The following DGCR8 variants were observed in gnomAD, a reference collection of about 807,000 sequenced individuals.
DGCR8 encodes microprocessor complex subunit DGCR8.
DGCR8 carries 14 observed loss-of-function variants against 78.5 expected under a neutral mutation model. That is an observed-to-expected ratio of 0.18 (90% CI 0.12 to 0.28). DGCR8 has a LOEUF of 0.28. DGCR8 is among the 10% of genes least tolerant of loss of function. The pLI, the probability that DGCR8 is intolerant of heterozygous loss-of-function variation, is 1.00. For synonymous variants in DGCR8, 399 were observed against 402.4 expected (o/e 0.99, Z 0.10); for missense variants, 702 against 1,022.5 (o/e 0.69, Z 4.28).
Position 20,086,711 on chromosome 22 carries a change from G to T in DGCR8, c.720+28G>T, listed in dbSNP as rs764011063. 1.4e-5 allele frequency: 21 copies of T among 1,555,178 alleles called. No homozygotes were observed. The African/African-American group carries it at 2.7e-4, about 20-fold the overall frequency. ...ATGTTGGCAGCCCCTCCTCTAGAGG[G>T]CTCTTAGCAAAACCCAAAGAGAGAT... On this transcript the variant is annotated intron_variant, in intron 2 of 13. Transcript: ENST00000351989. The surrounding 1 kb of genome is among the most constrained non-coding windows in gnomAD (Gnocchi z 6.4).
chr22:20,099,787 G>A, intron 9 of DGCR8, among the ~76,000 whole-genome samples: 1 of 152,148 alleles, frequency 6.6e-6, no homozygotes, highest in Non-Finnish European at 1.5e-5. Context: ...TCTCATCTTT[G>A]TGGACTGGTG....
intron 9 of DGCR8, among the ~76,000 whole-genome samples, chr22:20,104,369 T>G (rs988565599): frequency 1.3e-5 from 2 of 152,046 alleles, no homozygotes; most frequent in South Asian, 2.1e-4. Context: ...GGGTTTCACC[T>G]TGTTAGCCAG....
At chr22:20,092,734 C>T (rs1044283691) in intron 7 of DGCR8, 75 bp from the exon 8 acceptor site, 8 of 1,299,774 alleles carry the variant, frequency 6.2e-6, no homozygotes, top group African/African-American at 2.9e-5. Context: ...CCTTGTCTGT[C>T]GGTGTGGGCA....
chr22:20,090,317 C>G, intron 5 of DGCR8, 59 bp downstream of exon 5: 1 of 1,516,280 alleles, frequency 6.6e-7, no homozygotes, highest in Non-Finnish European at 8.8e-7. Context: ...CTTTGTTTTT[C>G]TAATGAAGGC....
At chr22:20,093,053 T>G in intron 8 of DGCR8, 146 bp downstream of exon 8, 2 of 603,296 alleles carry the variant, frequency 3.3e-6, no homozygotes, top group Middle Eastern at 4.4e-4. Flanking sequence ...CTACTTTGAT[T>G]TTTAAAATTA....
chr22:20,086,541 G>C lies in DGCR8; in HGVS notation c.578G>C (p.Arg193Thr), dbSNP rs1240134776. ...GAGAATGAGCTGGATCAGGAAAAGAGAGTGGAGTATGCAGTGCTCGATGAG... is the reference window on the plus strand; with the variant it reads ...GAGAATGAGCTGGATCAGGAAAAGACAGTGGAGTATGCAGTGCTCGATGAG... ...DEENELDQEK[R>T]VEYAVLDELE... Residue 193 changes from arginine to threonine, a missense_variant, in exon 2 of 14, where the codon AGA becomes ACA. By Grantham distance (71) the Arg-to-Thr change is moderately conservative. Around this residue, in one of 4 missense-constraint regions of DGCR8, gnomAD observed 356 missense variants for 448.9 expected, o/e 0.79. Transcript: ENST00000351989. The surrounding 1 kb of genome is among the most constrained non-coding windows in gnomAD (Gnocchi z 6.4). 1 of 1,614,064 alleles carries C rather than the reference G, an allele frequency of 6.2e-7. No individual in the cohort carries two copies. Among genetic ancestry groups the C allele is most frequent in the South Asian group, 1.1e-5 (1 of 91,076 alleles).
At position 20,086,887 on chromosome 22, in the gene DGCR8, C is replaced by T. The variant is rs1397816366; in HGVS notation, c.720+204C>T. Reference sequence around the variant, plus strand: ...AAAGTTTCCTAATGAAAAGTTTGGCCCATGGGTAGGCCCTGCATCCCTGAT... The same window carrying T: ...AAAGTTTCCTAATGAAAAGTTTGGCTCATGGGTAGGCCCTGCATCCCTGAT... On this transcript the variant is annotated intron_variant, in intron 2 of 13. Coordinates refer to ENST00000351989, the MANE Select transcript of DGCR8 (RefSeq NM_022720.7). This position sits in a 1 kb window ranked among gnomAD's most constrained non-coding sequence, Gnocchi z 6.4. 10 of 792,006 alleles carry T rather than the reference C, an allele frequency of 1.3e-5. No homozygotes were observed. The highest frequency in any genetic ancestry group is 3.2e-5 in the Admixed American group (1 of 31,462). 49.1% of individuals were successfully genotyped at this position (792,006 alleles called of 1,614,324 possible). A position where few individuals can be genotyped will look rare whatever the true frequency, so the allele number is the denominator to read the frequency against.
At chr22:20,105,888 G>A (rs761096210) in intron 9 of DGCR8, among the ~76,000 whole-genome samples, 5 of 152,208 alleles carry the variant, frequency 3.3e-5, no homozygotes, top group Non-Finnish European at 7.3e-5. Flanking sequence ...ATCCAAATAA[G>A]GTGGGCCTGG....
At chr22:20,092,475 C>G (rs970252329) in intron 7 of DGCR8, among the ~76,000 whole-genome samples, 3 of 152,200 alleles carry the variant, frequency 2.0e-5, no homozygotes, top group African/African-American at 7.2e-5. Flanking sequence ...CAAGCCACAT[C>G]TTGTGCTTTC....
At chr22:20,091,839 C>T (rs1180829196) in intron 6 of DGCR8, 30 bp from the exon 7 acceptor site, 1 of 1,604,442 alleles carries the variant, frequency 6.2e-7, no homozygotes. Flanking sequence ...CACTGCTTCA[C>T]ACTTGCTGAG....
chr22:20,085,609 T>C lies in DGCR8; in HGVS notation c.-277-78T>C. On this transcript the variant is annotated intron_variant, in intron 1 of 13. Coordinates refer to ENST00000351989, the MANE Select transcript of DGCR8 (RefSeq NM_022720.7). The surrounding 1 kb of genome is among the most constrained non-coding windows in gnomAD (Gnocchi z 6.2). Reference sequence around the variant, plus strand: ...AAGCCCTTTACTATGCTGTTAATAGTGCTTGGCTTTTAACTTGGTACCAGG... The same window carrying C: ...AAGCCCTTTACTATGCTGTTAATAGCGCTTGGCTTTTAACTTGGTACCAGG... The C allele has an allele frequency of 8.5e-7, 1 of 1,182,866 alleles. No individual in the cohort carries two copies. Among genetic ancestry groups the C allele is most frequent in the Non-Finnish European group, 1.1e-6 (1 of 932,592 alleles). The allele number at this position is 1,182,866 out of a possible 1,614,324, so 73.3% of individuals were successfully genotyped here.
At chr22:20,083,634 T>G (rs1316163387) in intron 1 of DGCR8, among the ~76,000 whole-genome samples, 1 of 152,180 alleles carries the variant, frequency 6.6e-6, no homozygotes, top group Non-Finnish European at 1.5e-5. Flanking sequence ...TGTTGGTCTC[T>G]AATCCCCTGC....
intron 9 of DGCR8, among the ~76,000 whole-genome samples, chr22:20,097,049 A>G (rs1313285337): frequency 6.6e-6 from 1 of 151,964 alleles, no homozygotes; most frequent in Non-Finnish European, 1.5e-5. Flanking sequence ...GATTTTTTTA[A>G]TATGTTGCTG....
At chr22:20,080,580 G>A (rs2049406303) in intron 1 of DGCR8, 197 bp downstream of exon 1, 15 of 759,072 alleles carry the variant, frequency 2.0e-5, no homozygotes, top group Admixed American at 6.2e-5. Context: ...GGGCTGGGGG[G>A]CGGGCCCCGG....
chr22:20,080,541 G>A, intron 1 of DGCR8, 158 bp downstream of exon 1: 11 of 961,206 alleles, frequency 1.1e-5, no homozygotes, highest in Non-Finnish European at 1.4e-5. Context: ...GCCGCGGGCG[G>A]TGGAGAGCGC....
intron 10 of DGCR8, 99 bp downstream of exon 10, chr22:20,106,376 GC>G: frequency 9.0e-7 from 1 of 1,112,490 alleles, no homozygotes; most frequent in Non-Finnish European, 1.3e-6. Context: ...CAGAGGCATG[GC>G]CAGGTTTCCC....
chr22:20,102,524 T>A (rs186870156), intron 9 of DGCR8, among the ~76,000 whole-genome samples: 93 of 152,338 alleles, frequency 6.1e-4, no homozygotes, highest in Admixed American at 2.5e-3. Flanking sequence ...GGTCTGTGTG[T>A]GATGGGCGGA....
Position 20,111,706 on chromosome 22 carries a change from G to GCCCGCGCCCCCCCC in DGCR8, c.*1601_*1602insGCGCCCCCCCCCCC, listed in dbSNP as rs2049850452. On this transcript the variant is annotated 3_prime_UTR_variant, in exon 14 of 14. Transcript: ENST00000351989. Reference sequence around the variant, plus strand: ...TGCCATACTCTTGTGGTCTCTGTGCGCCCCCCCCCCCCCCCCACCCGTCTG... The same window carrying GCCCGCGCCCCCCCC: ...TGCCATACTCTTGTGGTCTCTGTGCGCCCGCGCCCCCCCCCCCCCCCCCCCCCCCCACCCGTCTG... The GCCCGCGCCCCCCCC allele has an allele frequency of 1.6e-5, 1 of 63,028 alleles. No homozygotes were observed. Among genetic ancestry groups the GCCCGCGCCCCCCCC allele is most frequent in the Non-Finnish European group, 3.0e-5 (1 of 33,564 alleles). The allele number at this position is 63,028 out of a possible 1,614,324, so 3.9% of individuals were successfully genotyped here. A position where few individuals can be genotyped will look rare whatever the true frequency, so the allele number is the denominator to read the frequency against.
intron 9 of DGCR8, among the ~76,000 whole-genome samples, chr22:20,099,095 G>C (rs1258409198): frequency 6.6e-6 from 1 of 152,146 alleles, no homozygotes; most frequent in African/African-American, 2.4e-5. Context: ...TGAGAGCTGT[G>C]GGTCTGTGGG....
Sources: gnomAD v4.1 joint callset for allele counts (sites outside exome capture counted in the v4.1 genomes callset) on GRCh38, gnomAD v4.1.1 for gene constraint, gnomAD v4.1.1 regional missense constraint, Gnocchi (gnomAD v3.1) non-coding constraint, MANE v1.5 for transcripts, NCBI Gene and HGNC (gene_info 2026-07-23, HGNC 2026-07-21) for gene names.